P2RY4: variants seen among roughly 807,000 people sequenced by gnomAD.
P2RY4 encodes the protein P2Y purinoceptor 4.
For missense variants in P2RY4, 291 were observed against 308.5 expected, an observed-to-expected ratio of 0.94 and a Z score of 0.42; for synonymous variants, 121 against 131.6, an observed-to-expected ratio of 0.92 and a Z score of 0.55.
chrX:70,258,785 T>C lies in P2RY4; in HGVS notation c.840A>G (p.Val280=), dbSNP rs1466878900. 15 of 1,210,764 alleles carry C rather than the reference T, an allele frequency of 1.2e-5. No homozygotes were observed. Among genetic ancestry groups the C allele is most frequent in the Non-Finnish European group, 1.7e-5 (15 of 895,357 alleles). The change falls in exon 1 of 1, where the codon GTA becomes GTG. Residue 280 remains valine, a synonymous_variant. Coordinates refer to ENST00000374519, the MANE Select transcript of P2RY4 (RefSeq NM_002565.4). ...TATAGACCACGTTGACAATGTTCAG[T>C]ACTCGGCAGTCAGCTTCCAACAGCC... The part of the protein sequence containing the change: ...LARLLEADCR[V]LNIVNVVYKV...
In P2RY4 at chrX:70,258,914, C is replaced by T. The variant is rs1319656295; in HGVS notation, c.711G>A (p.Ser237=). The change falls in exon 1 of 1, where the codon TCG becomes TCA. Residue 237 remains serine (S), a synonymous_variant. Transcript: ENST00000374519. ...LYQPLPGSAQ[S]SSRLRSLRTI... Reference sequence around the variant, plus strand: ...TGCGGAGAGAGCGGAGGCGAGAAGACGACTGTGCAGAGCCTGGCAAGGGCT... The same window carrying T: ...TGCGGAGAGAGCGGAGGCGAGAAGATGACTGTGCAGAGCCTGGCAAGGGCT... 4 of 1,209,752 alleles carry T rather than the reference C, an allele frequency of 3.3e-6. No individual in the cohort carries two copies. The highest frequency in any genetic ancestry group is 2.2e-5 in the Admixed American group (1 of 45,832).
Position 70,259,124 on chromosome X carries a change from G to A in P2RY4, c.501C>T (p.Leu167=), listed in dbSNP as rs760492184. The A allele has an allele frequency of 1.3e-5, 16 of 1,210,823 alleles. No individual in the cohort carries two copies. The highest frequency in any genetic ancestry group is 2.2e-5 in the Admixed American group (1 of 45,951). ...TTGTGACAAAGAACAGGTTGGGCACGAGGCAGCCGGCTACGACCAACCAAA... is the reference window on the plus strand; with the variant it reads ...TTGTGACAAAGAACAGGTTGGGCACAAGGCAGCCGGCTACGACCAACCAAA... ...LAVWLVVAGC[L]VPNLFFVTTS... Residue 167 remains leucine (L), a synonymous_variant, in exon 1 of 1, where the codon CTC becomes CTT. Transcript: ENST00000374519.
chrX:70,259,333 G>A lies in P2RY4; in HGVS notation c.292C>T (p.His98Tyr). ...TCAGTGCCAAAGGGCCAGTGGTTGT[G>A]GGCTGCATAATAGTAGATGAGGGTG... ...LPTLIYYYAA[H>Y]NHWPFGTEIC... Residue 98 changes from histidine (H) to tyrosine (Y), a missense_variant, in exon 1 of 1, where the codon CAC becomes TAC. By Grantham distance (83) the His-to-Tyr change is moderately conservative. Coordinates refer to ENST00000374519, the MANE Select transcript of P2RY4 (RefSeq NM_002565.4). 8.3e-7 allele frequency: 1 copy of A among 1,212,030 alleles called. No individual in the cohort carries two copies. Among genetic ancestry groups the A allele is most frequent in the Non-Finnish European group, 1.1e-6 (1 of 895,359 alleles).
rs753095847 is a variant in P2RY4 at position 70,258,856 on chromosome X, A to G, written c.769T>C (p.Cys257Arg). 8.3e-7 allele frequency: 1 copy of G among 1,211,403 alleles called. No individual in the cohort carries two copies. Among genetic ancestry groups the G allele is most frequent in the Non-Finnish European group, 1.1e-6 (1 of 894,994 alleles). ...CGGGTGATGTGGAAAGGCACGAAGC[A>G]GACAGCAAAGACAGTCAGCACCACA... Reference protein sequence around the residue: ...IAVVLTVFAVCFVPFHITRTI... With the variant: ...IAVVLTVFAVRFVPFHITRTI... Residue 257 changes from cysteine (C) to arginine (R), a missense_variant, in exon 1 of 1, where the codon TGC (cysteine) becomes CGC (arginine). Cys to Arg is a radical substitution (Grantham distance 180). Coordinates refer to ENST00000374519, the MANE Select transcript of P2RY4 (RefSeq NM_002565.4).
At position 70,259,036 on chromosome X, in the gene P2RY4, A is replaced by G. The variant is rs2085582960; in HGVS notation, c.589T>C (p.Tyr197His). Residue 197 changes from tyrosine (Y) to histidine (H), a missense_variant, in exon 1 of 1, where the codon TAT (tyrosine) becomes CAT (histidine). Coordinates refer to ENST00000374519, the MANE Select transcript of P2RY4 (RefSeq NM_002565.4). ...DTTRPEEFDH[Y>H]VHFSSAVMGL... ...ATGACCGCCGAGCTGAAGTGCACATAGTGGTCAAACTCTTCAGGCCGAGTG... is the reference window on the plus strand; with the variant it reads ...ATGACCGCCGAGCTGAAGTGCACATGGTGGTCAAACTCTTCAGGCCGAGTG... The G allele has an allele frequency of 1.7e-6, 2 of 1,211,783 alleles. No individual in the cohort carries two copies. The highest frequency in any genetic ancestry group is 1.1e-6 in the Non-Finnish European group (1 of 895,326).
At position 70,259,768 on chromosome X, in the gene P2RY4, G is replaced by A. The variant is rs2085587579; in HGVS notation, c.-144C>T. The A allele has an allele frequency of 3.4e-6, 2 of 588,203 alleles. No individual in the cohort carries two copies. The highest frequency in any genetic ancestry group is 4.0e-5 in the Admixed American group (1 of 25,119). 48.5% of individuals were successfully genotyped at this position (588,203 alleles called of 1,213,427 possible). A position where few individuals can be genotyped will look rare whatever the true frequency, so the allele number is the denominator to read the frequency against. On this transcript the variant is annotated 5_prime_UTR_variant, in exon 1 of 1. Transcript: ENST00000374519. ...AGAGCTGACAGAAGCGCATCTGGGT[G>A]CACTCAGGCTAGCCTGGCCCCTACC...
In P2RY4 at chrX:70,260,097, T is replaced by C. The variant is rs1255817960; in HGVS notation, c.-473A>G. ...CCAGATGACATTTACCTATGACACC[T>C]TCCCCACTGCCTGCCTACAGCCCAG... is the stretch of plus-strand genomic sequence containing the variant. On this transcript the variant is annotated 5_prime_UTR_variant, in exon 1 of 1. Coordinates refer to ENST00000374519, the MANE Select transcript of P2RY4 (RefSeq NM_002565.4). 1.8e-5 allele frequency among the ~76,000 whole-genome samples: 2 copies of C among 111,861 alleles called. No individual in the cohort carries two copies. The highest frequency in any genetic ancestry group is 2.8e-4 in the East Asian group (1 of 3,562).
At position 70,259,726 on chromosome X, in the gene P2RY4, T is replaced by C. The variant is rs2085587362; in HGVS notation, c.-102A>G. The C allele has an allele frequency of 9.8e-6, 8 of 812,335 alleles. No individual in the cohort carries two copies. Among genetic ancestry groups the C allele is most frequent in the Non-Finnish European group, 1.2e-5 (7 of 580,324 alleles). 66.9% of individuals were successfully genotyped at this position (812,335 alleles called of 1,213,427 possible). On this transcript the variant is annotated 5_prime_UTR_variant, in exon 1 of 1. Coordinates refer to ENST00000374519, the MANE Select transcript of P2RY4 (RefSeq NM_002565.4). ...AAAAAAAGTAGAGCAGGGAGAGCAG[T>C]GGTTGAAGCACTAGGGAGAGCTGAC...
Position 70,258,425 on chromosome X carries a change from G to A in P2RY4, c.*102C>T. On this transcript the variant is annotated 3_prime_UTR_variant, in exon 1 of 1. Coordinates refer to ENST00000374519, the MANE Select transcript of P2RY4 (RefSeq NM_002565.4). ...CTCAGGGTGAGGGCTTCTCTCCAGA[G>A]CCTGGAAAAGAGGAAGAAGCACCTT... is the stretch of plus-strand genomic sequence containing the variant. The A allele has an allele frequency of 1.0e-6, 1 of 961,093 alleles. No individual in the cohort carries two copies. The highest frequency in any genetic ancestry group is 1.4e-6 in the Non-Finnish European group (1 of 699,041). 79.2% of individuals were successfully genotyped at this position (961,093 alleles called of 1,213,427 possible).
chrX:70,259,780 G>T lies in P2RY4; in HGVS notation c.-156C>A. Reference sequence around the variant, plus strand: ...AGCGCATCTGGGTGCACTCAGGCTAGCCTGGCCCCTACCCAAGCTCCCTTG... The same window carrying T: ...AGCGCATCTGGGTGCACTCAGGCTATCCTGGCCCCTACCCAAGCTCCCTTG... On this transcript the variant is annotated 5_prime_UTR_variant, in exon 1 of 1. Coordinates refer to ENST00000374519, the MANE Select transcript of P2RY4 (RefSeq NM_002565.4). 1.9e-6 allele frequency: 1 copy of T among 535,061 alleles called. No individual in the cohort carries two copies. Among genetic ancestry groups the T allele is most frequent in the Non-Finnish European group, 3.0e-6 (1 of 331,942 alleles). The allele number at this position is 535,061 out of a possible 1,213,427, so 44.1% of individuals were successfully genotyped here. A position where few individuals can be genotyped will look rare whatever the true frequency, so the allele number is the denominator to read the frequency against.
Position 70,259,167 on chromosome X carries a change from C to T in P2RY4, c.458G>A (p.Gly153Asp). 1 of 1,212,056 alleles carries T rather than the reference C, an allele frequency of 8.3e-7. No homozygotes were observed. The highest frequency in any genetic ancestry group is 1.1e-6 in the Non-Finnish European group (1 of 895,613). The change falls in exon 1 of 1, where the codon GGC becomes GAC. Residue 153 changes from glycine to aspartate, a missense_variant. Transcript: ENST00000374519. ...CAACCAAACTGCCAGGCAGAGAAGGCCTGCGAGGCGAGGGCGGCCCCAGCG... is the reference window on the plus strand; with the variant it reads ...CAACCAAACTGCCAGGCAGAGAAGGTCTGCGAGGCGAGGGCGGCCCCAGCG... ...ALRWGRPRLA[G>D]LLCLAVWLVV...
Position 70,258,405 on chromosome X carries a change from G to T in P2RY4, c.*122C>A. ...ATCCCTGCCTCCCTGCAACCCTCAG[G>T]GTGAGGGCTTCTCTCCAGAGCCTGG... On this transcript the variant is annotated 3_prime_UTR_variant, in exon 1 of 1. Transcript: ENST00000374519. 1.2e-6 allele frequency: 1 copy of T among 822,831 alleles called. No homozygotes were observed. Among genetic ancestry groups the T allele is most frequent in the Non-Finnish European group, 1.7e-6 (1 of 575,512 alleles). The allele number at this position is 822,831 out of a possible 1,213,427, so 67.8% of individuals were successfully genotyped here.
Position 70,260,079 on chromosome X carries a change from A to G in P2RY4, c.-455T>C, listed in dbSNP as rs776477507. On this transcript the variant is annotated 5_prime_UTR_variant, in exon 1 of 1. Transcript: ENST00000374519. ...GCCCTGGTCACAGTGTCTCCAGATGACATTTACCTATGACACCTTCCCCAC... is the reference window on the plus strand; with the variant it reads ...GCCCTGGTCACAGTGTCTCCAGATGGCATTTACCTATGACACCTTCCCCAC... 4.4e-4 allele frequency among the ~76,000 whole-genome samples: 49 copies of G among 111,979 alleles called. No homozygotes were observed. Among genetic ancestry groups the G allele is most frequent in the African/African-American group, 1.6e-3 (49 of 30,823 alleles).
At position 70,259,123 on chromosome X, in the gene P2RY4, C is replaced by G. The variant is rs1152186; in HGVS notation, c.502G>C (p.Val168Leu). ...GTTGTGACAAAGAACAGGTTGGGCA[C>G]GAGGCAGCCGGCTACGACCAACCAA... ...AVWLVVAGCLVPNLFFVTTSN... is the reference protein window; with the variant it reads ...AVWLVVAGCLLPNLFFVTTSN... Residue 168 changes from valine to leucine, a missense_variant, in exon 1 of 1, where the codon GTG becomes CTG. Physicochemically the swap from Val to Leu is conservative, Grantham distance 32 (BLOSUM62 1). Transcript: ENST00000374519. 8.3e-7 allele frequency: 1 copy of G among 1,211,590 alleles called. No homozygotes were observed. Among genetic ancestry groups the G allele is most frequent in the Non-Finnish European group, 1.1e-6 (1 of 895,531 alleles).
In P2RY4 at chrX:70,258,684, C is replaced by T. The variant is rs775064288; in HGVS notation, c.941G>A (p.Arg314Gln). 7.4e-6 allele frequency: 9 copies of T among 1,210,468 alleles called. No homozygotes were observed. Among genetic ancestry groups the T allele is most frequent in the South Asian group, 7.0e-5 (4 of 56,760 alleles). ...ACCACAGAGCTGACGGAGCTGACGTCGATATTTGTCCCCAGTGAGCAAGTA... is the reference window on the plus strand; with the variant it reads ...ACCACAGAGCTGACGGAGCTGACGTTGATATTTGTCCCCAGTGAGCAAGTA... The part of the protein sequence containing the change: ...VLYLLTGDKY[R>Q]RQLRQLCGGG... The change falls in exon 1 of 1, where the codon CGA (arginine) becomes CAA (glutamine). Residue 314 changes from arginine (R) to glutamine (Q), a missense_variant. Coordinates refer to ENST00000374519, the MANE Select transcript of P2RY4 (RefSeq NM_002565.4).
At position 70,258,372 on chromosome X, in the gene P2RY4, C is replaced by T. The variant is rs2085578430; in HGVS notation, c.*155G>A. 1.8e-6 allele frequency: 1 copy of T among 567,389 alleles called. No individual in the cohort carries two copies. Among genetic ancestry groups the T allele is most frequent in the Non-Finnish European group, 2.8e-6 (1 of 351,751 alleles). The allele number at this position is 567,389 out of a possible 1,213,427, so 46.8% of individuals were successfully genotyped here. A position where few individuals can be genotyped will look rare whatever the true frequency, so the allele number is the denominator to read the frequency against. On this transcript the variant is annotated 3_prime_UTR_variant, in exon 1 of 1. Coordinates refer to ENST00000374519, the MANE Select transcript of P2RY4 (RefSeq NM_002565.4). ...GAAGGGGTTATGAGAGATGAGGTCA[C>T]CCATGATATCCCTGCCTCCCTGCAA...
chrX:70,258,979 T>A lies in P2RY4; in HGVS notation c.646A>T (p.Thr216Ser). The change falls in exon 1 of 1, where the codon ACT (threonine) becomes TCT (serine). Residue 216 changes from threonine (T) to serine (S), a missense_variant. Coordinates refer to ENST00000374519, the MANE Select transcript of P2RY4 (RefSeq NM_002565.4). Reference protein sequence around the residue: ...GLLFGVPCLVTLVCYGLMARR... With the variant: ...GLLFGVPCLVSLVCYGLMARR... The stretch of plus-strand genomic sequence containing the variant: ...GCCATGAGTCCATAGCAAACAAGAG[T>A]GACCAGGCAGGGCACGCCAAAGAGC... The A allele has an allele frequency of 8.3e-7, 1 of 1,210,203 alleles. No individual in the cohort carries two copies. Among genetic ancestry groups the A allele is most frequent in the Non-Finnish European group, 1.1e-6 (1 of 894,914 alleles).
chrX:70,258,897 G>A lies in P2RY4; in HGVS notation c.728C>T (p.Ser243Phe), dbSNP rs762990478. Residue 243 changes from serine to phenylalanine, a missense_variant, in exon 1 of 1, where the codon TCT (serine) becomes TTT (phenylalanine). Ser to Phe is a radical substitution (Grantham distance 155). Coordinates refer to ENST00000374519, the MANE Select transcript of P2RY4 (RefSeq NM_002565.4). ...GSAQSSSRLR[S>F]LRTIAVVLTV... ...CAGCACCACAGCTATGGTGCGGAGA[G>A]AGCGGAGGCGAGAAGACGACTGTGC... 15 of 1,211,623 alleles carry A rather than the reference G, an allele frequency of 1.2e-5. No homozygotes were observed. Among genetic ancestry groups the A allele is most frequent in the Non-Finnish European group, 1.7e-5 (15 of 895,370 alleles).
rs201885904 is a variant in P2RY4, at chrX:70,258,813, G to A, written c.812C>T (p.Ala271Val). The A allele has an allele frequency of 3.4e-4, 416 of 1,210,540 alleles. No homozygotes were observed. Among genetic ancestry groups the A allele is most frequent in the Non-Finnish European group, 4.5e-4 (404 of 895,198 alleles). The change falls in exon 1 of 1, where the codon GCC (alanine) becomes GTC (valine). Residue 271 changes from alanine (A) to valine (V), a missense_variant. Physicochemically the swap from Ala to Val is moderately conservative, Grantham distance 64. Coordinates refer to ENST00000374519, the MANE Select transcript of P2RY4 (RefSeq NM_002565.4). ...TCGGCAGTCAGCTTCCAACAGCCTG[G>A]CCAGGTAGTAAATGGTGCGGGTGAT... Reference protein sequence around the residue: ...FHITRTIYYLARLLEADCRVL... With the variant: ...FHITRTIYYLVRLLEADCRVL...
Sources: allele counts gnomAD v4.1 joint callset (sites outside exome capture counted in the v4.1 genomes callset), GRCh38; gene constraint gnomAD v4.1.1; transcripts MANE v1.5; gene names NCBI Gene and HGNC (gene_info 2026-07-23, HGNC 2026-07-21).